The following FLNB variants were observed in gnomAD, a reference collection of about 807,000 sequenced individuals.
The protein encoded by FLNB is filamin B.
Under a neutral mutation model 250.6 loss-of-function variants are expected in FLNB, and 111 were observed. The observed-to-expected ratio is 0.44, with a 90% CI of 0.38 to 0.52. FLNB has a LOEUF of 0.52. Ranked by LOEUF, FLNB falls within the 20% of genes least tolerant of loss-of-function variation. The probability of loss-of-function intolerance (pLI) is 0.00; values close to 1 mark genes in which losing one functional copy is unlikely to be tolerated. For missense variants in FLNB, 2,869 were observed against 3,447.8 expected, an observed-to-expected ratio of 0.83 and a Z score of 4.20; for synonymous variants, 1,302 against 1,372.1, an observed-to-expected ratio of 0.95 and a Z score of 1.13.
chr3:58,055,227 C>T (rs1419322319), intron 1 of FLNB, among the ~76,000 whole-genome samples: 2 of 151,862 alleles, frequency 1.3e-5, no homozygotes, highest in East Asian at 3.9e-4. Context: ...GATCATGCCA[C>T]TGTACTCCAG....
chr3:58,019,645 G>A, intron 1 of FLNB, among the ~76,000 whole-genome samples: 1 of 151,832 alleles, frequency 6.6e-6, no homozygotes, highest in East Asian at 1.9e-4. Context: ...TAGTGAGAGG[G>A]TGTAGAAGAG....
chr3:58,019,880 G>A (rs2097111149), intron 1 of FLNB, among the ~76,000 whole-genome samples: 1 of 152,228 alleles, frequency 6.6e-6, no homozygotes, highest in Non-Finnish European at 1.5e-5. Flanking sequence ...TTTCCAGGGG[G>A]CAGTAATGTC....
At chr3:58,159,065 T>C (rs1022768182) in intron 41 of FLNB, among the ~76,000 whole-genome samples, 5 of 152,032 alleles carry the variant, frequency 3.3e-5, no homozygotes, top group Non-Finnish European at 7.4e-5. Context: ...TTAACTGCTA[T>C]GGAGTACTGC....
chr3:58,061,824 G>T (rs962149121), intron 1 of FLNB, among the ~76,000 whole-genome samples: 1 of 152,022 alleles, frequency 6.6e-6, no homozygotes, highest in Non-Finnish European at 1.5e-5. Flanking sequence ...GGGTGTGGTG[G>T]CTCATGCCTG....
At chr3:58,094,979 C>A in intron 5 of FLNB, 25 bp downstream of exon 5, 1 of 1,540,804 alleles carries the variant, frequency 6.5e-7, no homozygotes, top group Non-Finnish European at 9.0e-7. Flanking sequence ...GCTGCCTCTC[C>A]TTTCCAGCAC....
chr3:58,048,461 G>A (rs2097157431), intron 1 of FLNB, among the ~76,000 whole-genome samples: 2 of 152,172 alleles, frequency 1.3e-5, no homozygotes, highest in African/African-American at 4.8e-5. Flanking sequence ...GTTTCCTTGT[G>A]ATTAAATTCA....
rs762370530 is a variant in FLNB at position 58,163,334 on chromosome 3, A to G, written c.7198+4A>G. 1 of 1,613,968 alleles carries G rather than the reference A, an allele frequency of 6.2e-7. No homozygotes were observed. The highest frequency in any genetic ancestry group is 1.1e-5 in the South Asian group (1 of 91,078). On this transcript the variant is annotated splice_donor_region_variant and intron_variant, in intron 43 of 45. Coordinates refer to ENST00000295956, the MANE Select transcript of FLNB (RefSeq NM_001457.4). ...GGACTCGAAGGGGGCACCACAGGTA[A>G]CCCACTCTTCTGCTTCTTGAAGCCT...
At chr3:58,021,957 G>A (rs2097114747) in intron 1 of FLNB, among the ~76,000 whole-genome samples, 1 of 152,066 alleles carries the variant, frequency 6.6e-6, no homozygotes, top group Admixed American at 6.6e-5. Flanking sequence ...TGTATTTTTT[G>A]TAGATTCGGT....
At chr3:58,020,561 C>T (rs1576592568) in intron 1 of FLNB, among the ~76,000 whole-genome samples, 1 of 152,152 alleles carries the variant, frequency 6.6e-6, no homozygotes, top group African/African-American at 2.4e-5. Context: ...ACACAGCACT[C>T]CTGTTCTCTC....
At position 58,142,516 on chromosome 3, in the gene FLNB, A is replaced by G. The variant is rs1575452029; in HGVS notation, c.5182-134A>G. ...CTGGAGCCACTTAGACAAAGCCCAT[A>G]CCACAATGGGCAGCCGCATTCCCAA... is the stretch of plus-strand genomic sequence containing the variant. On this transcript the variant is annotated intron_variant, in intron 30 of 45. Transcript: ENST00000295956. The surrounding 1 kb of genome is among the most constrained non-coding windows in gnomAD (Gnocchi z 4.3). 1 of 769,330 alleles carries G rather than the reference A, an allele frequency of 1.3e-6. No homozygotes were observed. Among genetic ancestry groups the G allele is most frequent in the Non-Finnish European group, 2.2e-6 (1 of 447,924 alleles). The allele number at this position is 769,330 out of a possible 1,614,324, so 47.7% of individuals were successfully genotyped here.
intron 39 of FLNB, 104 bp downstream of exon 39, chr3:58,153,745 G>C (rs2097349002): frequency 4.6e-6 from 6 of 1,311,218 alleles, no homozygotes; most frequent in Non-Finnish European, 1.1e-6. Context: ...GAAGACTTCT[G>C]ATAGGTGGCA....
intron 39 of FLNB, 122 bp from the exon 40 acceptor site, chr3:58,154,669 T>A: frequency 9.6e-7 from 1 of 1,045,412 alleles, no homozygotes; most frequent in Non-Finnish European, 1.5e-6. Context: ...CTGCTTGGGG[T>A]TGGAGAAAGA....
At chr3:58,158,968 T>C (rs1373122816) in intron 41 of FLNB, among the ~76,000 whole-genome samples, 1 of 152,002 alleles carries the variant, frequency 6.6e-6, no homozygotes, top group African/African-American at 2.4e-5. Context: ...ATGCCCATTT[T>C]ACAGATGAGG....
chr3:58,123,356 C>T lies in FLNB; in HGVS notation c.3390C>T (p.Pro1130=). The stretch of plus-strand genomic sequence containing the variant: ...CCTTCAAAGCTGACATTGAAATGCC[C>T]TTTGACCCCTCTAAAGTCGTGGCAT... ...GSPFKADIEM[P]FDPSKVVASG... Residue 1130 remains proline (P), a synonymous_variant, in exon 21 of 46, where the codon CCC becomes CCT. Coordinates refer to ENST00000295956, the MANE Select transcript of FLNB (RefSeq NM_001457.4). The T allele has an allele frequency of 1.2e-6, 2 of 1,614,168 alleles. No homozygotes were observed. Among genetic ancestry groups the T allele is most frequent in the Non-Finnish European group, 8.5e-7 (1 of 1,180,038 alleles).
At chr3:58,166,819 C>G (rs1177469835) in intron 43 of FLNB, among the ~76,000 whole-genome samples, 1 of 74,944 alleles carries the variant, frequency 1.3e-5, no homozygotes, top group African/African-American at 6.5e-5. Context: ...AAGACTTTAT[C>G]TAAAAAAAAA....
intron 4 of FLNB, among the ~76,000 whole-genome samples, chr3:58,091,041 G>A (rs976888104): frequency 2.0e-5 from 3 of 150,964 alleles, no homozygotes; most frequent in Admixed American, 1.3e-4. Context: ...TTGTGCCACC[G>A]CACTGTAGCC....
At chr3:58,011,649 A>G (rs1252253136) in intron 1 of FLNB, among the ~76,000 whole-genome samples, 1 of 152,222 alleles carries the variant, frequency 6.6e-6, no homozygotes, top group African/African-American at 2.4e-5. Context: ...TAAGGTTCAT[A>G]TATTCACTGC....
At chr3:58,138,199 C>A (rs1181302265) in intron 28 of FLNB, 83 bp from the exon 29 acceptor site, 34 of 1,584,366 alleles carry the variant, frequency 2.1e-5, no homozygotes, top group Non-Finnish European at 2.6e-6. Context: ...CAGGCACAGA[C>A]AACATGGATG....
At chr3:58,069,698 C>A (rs1256882751) in intron 1 of FLNB, among the ~76,000 whole-genome samples, 1 of 152,122 alleles carries the variant, frequency 6.6e-6, no homozygotes, top group Non-Finnish European at 1.5e-5. Context: ...GTCCTTCTTG[C>A]AGAGATCTCA....
Sources: gnomAD v4.1 joint callset for allele counts (sites outside exome capture counted in the v4.1 genomes callset) on GRCh38, gnomAD v4.1.1 for gene constraint, Gnocchi (gnomAD v3.1) non-coding constraint, MANE v1.5 for transcripts, NCBI Gene and HGNC (gene_info 2026-07-23, HGNC 2026-07-21) for gene names.